THADA: variants seen among roughly 807,000 people sequenced by gnomAD.
The protein encoded by THADA is THADA armadillo repeat containing, also known as tRNA (32-2'-O)-methyltransferase regulator THADA.
THADA carries 213 observed loss-of-function variants against 219.8 expected under a neutral mutation model. The ratio of observed to expected loss-of-function variants is 0.97; its 90% CI spans 0.87 to 1.09. The LOEUF (loss-of-function observed/expected upper bound fraction) is 1.09, where lower values mean the gene tolerates loss of function less well. THADA is among the 50% of genes least tolerant of loss of function. THADA has a pLI of 0.00. For synonymous variants in THADA, 1,018 were observed against 828.9 expected (o/e 1.23, Z -3.92); for missense variants, 2,956 against 2,311.3 (o/e 1.28, Z -5.72).
intron 29 of THADA, among the ~76,000 whole-genome samples, chr2:43,362,215 C>A (rs1157967991): frequency 6.6e-6 from 1 of 152,164 alleles, no homozygotes; most frequent in East Asian, 1.9e-4. Flanking sequence ...ATTAGTCTCA[C>A]AAAATAGATA....
chr2:43,444,577 A>C (rs1028687174), intron 26 of THADA, among the ~76,000 whole-genome samples: 1 of 152,186 alleles, frequency 6.6e-6, no homozygotes, highest in African/African-American at 2.4e-5. Flanking sequence ...ATTTAAACCA[A>C]GCTCCAATTT....
intron 22 of THADA, among the ~76,000 whole-genome samples, chr2:43,527,331 G>C (rs902716777): frequency 6.6e-6 from 1 of 152,136 alleles, no homozygotes; most frequent in African/African-American, 2.4e-5. Context: ...ATGAATGAAT[G>C]AAATTATCTG....
chr2:43,486,968 T>C (rs1482744802), intron 25 of THADA, among the ~76,000 whole-genome samples: 4 of 152,156 alleles, frequency 2.6e-5, no homozygotes, highest in South Asian at 2.1e-4. Context: ...ATGGTAGCCA[T>C]AGAAGTGAAC....
intron 22 of THADA, among the ~76,000 whole-genome samples, chr2:43,511,642 C>G (rs532141287): frequency 6.6e-6 from 1 of 152,300 alleles, no homozygotes; most frequent in African/African-American, 2.4e-5. Context: ...GGTTCTCATA[C>G]TAACATACAA....
At chr2:43,380,300 G>T (rs1298913723) in intron 29 of THADA, among the ~76,000 whole-genome samples, 2 of 152,174 alleles carry the variant, frequency 1.3e-5, no homozygotes, top group East Asian at 3.8e-4. Flanking sequence ...AAAGACAAAA[G>T]AAATGTATAT....
At chr2:43,535,596 G>A (rs912844779) in intron 21 of THADA, among the ~76,000 whole-genome samples, 1 of 136,858 alleles carries the variant, frequency 7.3e-6, no homozygotes, top group African/African-American at 2.7e-5. Flanking sequence ...CAGGAGAATC[G>A]TTTGAAGCCA....
intron 26 of THADA, among the ~76,000 whole-genome samples, chr2:43,434,740 G>T (rs1679846005): frequency 6.6e-6 from 1 of 152,164 alleles, no homozygotes; most frequent in Admixed American, 6.5e-5. Context: ...ATAAAACCCT[G>T]GACTAATTCT....
chr2:43,515,319 T>TATATATA (rs372400462), intron 22 of THADA, among the ~76,000 whole-genome samples: 6 of 9,596 alleles, frequency 6.3e-4, no homozygotes. Context: ...TATAATATTT[T>TATATATA]ATATATAATA....
intron 26 of THADA, among the ~76,000 whole-genome samples, chr2:43,460,879 G>C (rs1683560087): frequency 6.6e-6 from 1 of 152,210 alleles, no homozygotes; most frequent in African/African-American, 2.4e-5. Context: ...TGGAAAAGCA[G>C]AGGTCCTAAA....
intron 22 of THADA, among the ~76,000 whole-genome samples, chr2:43,513,231 A>G (rs979696829): frequency 1.3e-5 from 2 of 152,230 alleles, no homozygotes; most frequent in Non-Finnish European, 2.9e-5. Context: ...AAAAGTTTCA[A>G]TTGAAATGAT....
chr2:43,320,512 C>A lies in THADA; in HGVS notation c.4372G>T (p.Val1458Leu). 6.2e-7 allele frequency: 1 copy of A among 1,612,760 alleles called. No individual in the cohort carries two copies. The highest frequency in any genetic ancestry group is 8.5e-7 in the Non-Finnish European group (1 of 1,179,506). ...RQNPCLVTRA[V>L]YIDILFLLTC... is the part of the protein sequence containing the mutation. Reference sequence around the variant, plus strand: ...AATAGGAAGAGAATATCAATATATACAGCTCTGGTCACCAAACATGGATTT... The same window carrying A: ...AATAGGAAGAGAATATCAATATATAAAGCTCTGGTCACCAAACATGGATTT... The change falls in exon 31 of 38, where the codon GTA becomes TTA. Residue 1458 changes from valine to leucine, a missense_variant. Transcript: ENST00000405975.
At chr2:43,586,655 C>T (rs754148890) in intron 6 of THADA, 47 bp downstream of exon 6, 3 of 1,576,022 alleles carry the variant, frequency 1.9e-6, no homozygotes, top group South Asian at 1.2e-5. Context: ...CAAAATGACT[C>T]ATACAAGCCA....
intron 36 of THADA, among the ~76,000 whole-genome samples, chr2:43,252,448 G>A (rs1204138608): frequency 2.0e-5 from 3 of 152,106 alleles, no homozygotes; most frequent in Admixed American, 1.3e-4. Context: ...TTTAAAGTAG[G>A]TTTTATGAGC....
chr2:43,533,119 G>T (rs1298261615), intron 21 of THADA, among the ~76,000 whole-genome samples: 1 of 152,082 alleles, frequency 6.6e-6, no homozygotes, highest in Non-Finnish European at 1.5e-5. Flanking sequence ...TATTTATGCA[G>T]CTAACAAATA....
intron 26 of THADA, among the ~76,000 whole-genome samples, chr2:43,432,522 A>C (rs1469928717): frequency 1.3e-5 from 2 of 151,656 alleles, no homozygotes; most frequent in Admixed American, 1.3e-4. Context: ...AGACTTTTTA[A>C]GGACACGTTT....
At chr2:43,585,532 G>GCAGA (rs1700916870) in intron 7 of THADA, among the ~76,000 whole-genome samples, 3 of 139,428 alleles carry the variant, frequency 2.2e-5, no homozygotes, top group African/African-American at 8.5e-5. Flanking sequence ...AAAAAAAAAT[G>GCAGA]TAGATAGATA....
intron 29 of THADA, among the ~76,000 whole-genome samples, chr2:43,389,322 A>G (rs1165047899): frequency 6.6e-6 from 1 of 152,200 alleles, no homozygotes; most frequent in Non-Finnish European, 1.5e-5. Context: ...TGTACATTAC[A>G]TATCAAATGT....
At chr2:43,443,196 A>C (rs1404348289) in intron 26 of THADA, among the ~76,000 whole-genome samples, 1 of 152,224 alleles carries the variant, frequency 6.6e-6, no homozygotes, top group Non-Finnish European at 1.5e-5. Context: ...CCCAGTTTAC[A>C]GCTGGTGCCT....
intron 26 of THADA, among the ~76,000 whole-genome samples, chr2:43,450,761 T>C (rs888408728): frequency 3.3e-5 from 5 of 152,232 alleles, no homozygotes; most frequent in African/African-American, 1.2e-4. Context: ...GGGACACAAA[T>C]AGATTAAAAG....
Sources: gnomAD v4.1 joint callset for allele counts (sites outside exome capture counted in the v4.1 genomes callset) on GRCh38, gnomAD v4.1.1 for gene constraint, MANE v1.5 for transcripts, NCBI Gene and HGNC (gene_info 2026-07-23, HGNC 2026-07-21) for gene names.